The following SORCS3 variants were observed in gnomAD, a reference collection of about 807,000 sequenced individuals.
The protein encoded by SORCS3 is sortilin related VPS10 domain containing receptor 3.
A neutral mutation model predicts 146.3 loss-of-function variants in SORCS3; 57 were observed. The ratio of observed to expected loss-of-function variants is 0.39; its 90% confidence interval spans 0.31 to 0.49. The LOEUF (loss-of-function observed/expected upper bound fraction) is 0.49, where lower values mean the gene tolerates loss of function less well. Among genes scored for constraint, SORCS3 ranks in the 20% least tolerant of loss-of-function variants. The pLI is 0.92. For missense variants in SORCS3, 1,341 were observed against 1,575.5 expected (o/e 0.85, Z 2.52); for synonymous variants, 653 against 618.5 (o/e 1.06, Z -0.83).
At chr10:104,918,195 A>C (rs7068754) in intron 3 of SORCS3, among the ~76,000 whole-genome samples, 49,714 of 152,088 alleles carry the variant, frequency 0.33, 9,649 homozygotes, top group African/African-American at 0.54. Flanking sequence ...AAAAATTTTC[A>C]TACATTTTGA....
At chr10:105,242,583 T>TAC (rs1373191594) in intron 20 of SORCS3, among the ~76,000 whole-genome samples, 57 of 107,030 alleles carry the variant, frequency 5.3e-4, no homozygotes, top group African/African-American at 1.2e-3. Flanking sequence ...TATATTTATA[T>TAC]ATATTTATAT....
intron 9 of SORCS3, among the ~76,000 whole-genome samples, chr10:105,149,801 C>T (rs2056155891): frequency 6.6e-6 from 1 of 152,044 alleles, no homozygotes; most frequent in African/African-American, 2.4e-5. Context: ...GCCTGAAACT[C>T]CTTGGTCATT....
intron 1 of SORCS3, among the ~76,000 whole-genome samples, chr10:104,692,552 A>G (rs1028670841): frequency 1.4e-4 from 21 of 152,170 alleles, no homozygotes; most frequent in African/African-American, 4.8e-4. Context: ...TGGGTGCTCC[A>G]TATTTGTTGA....
At chr10:105,011,396 T>C (rs149873060) in intron 4 of SORCS3, among the ~76,000 whole-genome samples, 12 of 152,316 alleles carry the variant, frequency 7.9e-5, no homozygotes, top group African/African-American at 2.6e-4. Flanking sequence ...TCTATTTGCA[T>C]TGTATGCAAA....
intron 13 of SORCS3, among the ~76,000 whole-genome samples, chr10:105,175,544 C>T (rs74157458): frequency 2.6e-5 from 4 of 152,152 alleles, no homozygotes; most frequent in Admixed American, 6.5e-5. Context: ...TTAGTAGCCA[C>T]GACACACTCT....
chr10:104,888,336 T>C (rs2018712996), intron 2 of SORCS3, among the ~76,000 whole-genome samples: 1 of 152,212 alleles, frequency 6.6e-6, no homozygotes, highest in African/African-American at 2.4e-5. Context: ...ACCAGGAGAC[T>C]CAAATGCTGG....
chr10:105,151,093 T>C (rs965584616), intron 9 of SORCS3, among the ~76,000 whole-genome samples: 37 of 152,362 alleles, frequency 2.4e-4, no homozygotes, highest in Admixed American at 1.4e-3. Context: ...TTAGGGTAAT[T>C]ATCACAGTCT....
intron 5 of SORCS3, among the ~76,000 whole-genome samples, chr10:105,059,889 C>T (rs2055472268): frequency 6.6e-6 from 1 of 152,184 alleles, no homozygotes; most frequent in Non-Finnish European, 1.5e-5. Context: ...CGCATTGAGC[C>T]CAGCCTAGAA....
intron 1 of SORCS3, among the ~76,000 whole-genome samples, chr10:104,697,919 C>T (rs998358236): frequency 2.6e-5 from 4 of 152,128 alleles, no homozygotes; most frequent in African/African-American, 9.7e-5. Context: ...ATTCATGGTC[C>T]TGCCTCTGGT....
At chr10:105,014,576 G>A (rs1252961145) in intron 4 of SORCS3, among the ~76,000 whole-genome samples, 1 of 152,130 alleles carries the variant, frequency 6.6e-6, no homozygotes, top group Non-Finnish European at 1.5e-5. Context: ...AATATTATAA[G>A]TTTATAAGCA....
At chr10:104,863,727 G>A (rs1056581707) in intron 2 of SORCS3, among the ~76,000 whole-genome samples, 6 of 152,186 alleles carry the variant, frequency 3.9e-5, no homozygotes. Context: ...ACACTTAGTT[G>A]TTGGTACCCT....
At chr10:105,204,700 C>CA (rs11386103) in intron 16 of SORCS3, among the ~76,000 whole-genome samples, 47,826 of 146,186 alleles carry the variant, frequency 0.33, 7,623 homozygotes, top group South Asian at 0.48. Flanking sequence ...AGAACACAAA[C>CA]AAAAAAAAAA....
At chr10:104,854,196 G>T (rs1417901239) in intron 2 of SORCS3, among the ~76,000 whole-genome samples, 2 of 152,172 alleles carry the variant, frequency 1.3e-5, no homozygotes, top group Non-Finnish European at 2.9e-5. Context: ...CATAAATGAA[G>T]GTGATATGAT....
chr10:105,115,121 A>G (rs1453075303), intron 7 of SORCS3, among the ~76,000 whole-genome samples: 1 of 152,160 alleles, frequency 6.6e-6, no homozygotes, highest in Non-Finnish European at 1.5e-5. Flanking sequence ...TCTGATGTGG[A>G]GAAAACAGCC....
At chr10:104,969,804 G>A (rs977242750) in intron 3 of SORCS3, among the ~76,000 whole-genome samples, 20 of 152,180 alleles carry the variant, frequency 1.3e-4, no homozygotes, top group African/African-American at 4.6e-4. Context: ...CGTATGTGTT[G>A]TGTGTGGATT....
chr10:104,905,329 T>C (rs2018894324), intron 2 of SORCS3, among the ~76,000 whole-genome samples: 1 of 152,136 alleles, frequency 6.6e-6, no homozygotes. Context: ...AACTGGGAAT[T>C]TCCTCTTCTT....
chr10:104,893,130 C>T (rs1359878160), intron 2 of SORCS3, among the ~76,000 whole-genome samples: 1 of 152,188 alleles, frequency 6.6e-6, no homozygotes, highest in African/African-American at 2.4e-5. Flanking sequence ...CACACTAGTT[C>T]ATTGTCTACC....
At chr10:105,207,685 G>A (rs769935381) in intron 16 of SORCS3, among the ~76,000 whole-genome samples, 1 of 152,180 alleles carries the variant, frequency 6.6e-6, no homozygotes, top group Non-Finnish European at 1.5e-5. Context: ...AGAAATTAAT[G>A]AAGAAGTCCA....
intron 5 of SORCS3, among the ~76,000 whole-genome samples, chr10:105,089,212 G>A (rs1466891912): frequency 6.6e-6 from 1 of 152,174 alleles, no homozygotes; most frequent in African/African-American, 2.4e-5. Context: ...ACCAGATTTT[G>A]AATGTCTATT....
Sources: allele counts gnomAD v4.1 joint callset (sites outside exome capture counted in the v4.1 genomes callset), GRCh38; gene constraint gnomAD v4.1.1; transcripts MANE v1.5; gene names NCBI Gene and HGNC (gene_info 2026-07-23, HGNC 2026-07-21).